Variants in SLC12A7 observed in about 807,000 individuals in gnomAD.
SLC12A7 encodes K-Cl cotransporter 4.
A neutral mutation model predicts 120.6 loss-of-function variants in SLC12A7; 100 were observed. That is an observed-to-expected ratio of 0.83 (90% CI 0.71 to 0.98). SLC12A7 has a LOEUF of 0.98. SLC12A7 is among the 50% of genes least tolerant of loss of function. The pLI, the probability that SLC12A7 is intolerant of heterozygous loss-of-function variation, is 0.00. For synonymous variants in SLC12A7, 760 were observed against 678.0 expected (o/e 1.12, Z -1.88); for missense variants, 1,373 against 1,548.1 (o/e 0.89, Z 1.90).
At chr5:1,147,590 C>T in the SLC12A7 span, among the ~76,000 whole-genome samples, 2 of 152,294 alleles carry the variant, frequency 1.3e-5, no homozygotes, top group African/African-American at 2.4e-5. Flanking sequence ...CAAGCCTTCA[C>T]GTCTTCAGCT....
chr5:1,087,154 C>A (rs115544359), intron 5 of SLC12A7, 121 bp from the exon 6 acceptor site: 3 of 1,276,682 alleles, frequency 2.3e-6, no homozygotes, highest in African/African-American at 1.5e-5. Flanking sequence ...AGCGTGTAGA[C>A]CCTCGTCCAC....
intron 21 of SLC12A7, among the ~76,000 whole-genome samples, chr5:1,059,371 G>A (rs951974456): frequency 6.6e-6 from 1 of 152,216 alleles, no homozygotes; most frequent in African/African-American, 2.4e-5. Flanking sequence ...GTGTACTGCA[G>A]GTTCCTGCTG....
At chr5:1,150,618 T>C in the SLC12A7 span, among the ~76,000 whole-genome samples, 1 of 152,246 alleles carries the variant, frequency 6.6e-6, no homozygotes, top group African/African-American at 2.4e-5. Context: ...ACAGAAAGGA[T>C]GGACATGCGT....
chr5:1,089,031 A>AC lies in SLC12A7; in HGVS notation c.439dup (p.Val147GlyfsTer207). ...GAGGAAGGACTCCAGGACACCAGCC[A>AC]CCCCCACGATCCACGTCAGGCGCAG... On this transcript the variant is annotated frameshift_variant, in exon 4 of 24. Transcript: ENST00000264930. LOFTEE classifies it high-confidence loss of function. 1 of 1,612,860 alleles carries AC rather than the reference A, an allele frequency of 6.2e-7. No homozygotes were observed. Among genetic ancestry groups the AC allele is most frequent in the Non-Finnish European group, 8.5e-7 (1 of 1,179,938 alleles).
At chr5:1,153,185 G>T in the SLC12A7 span, among the ~76,000 whole-genome samples, 1 of 152,190 alleles carries the variant, frequency 6.6e-6, no homozygotes, top group Non-Finnish European at 1.5e-5. Context: ...CTACCCCCGG[G>T]TGCTGACGTG....
At position 1,083,709 on chromosome 5, in the gene SLC12A7, AC is replaced by A. The variant is rs375095536; in HGVS notation, c.1129+35del. ...AGGGCCAGCGCCTGCTGCCCCCGCC[AC>A]CCCCCAGCTCCAGCTGCAGCCCTGT... On this transcript the variant is annotated intron_variant, in intron 8 of 23. Coordinates refer to ENST00000264930, the MANE Select transcript of SLC12A7 (RefSeq NM_006598.3). The A allele has an allele frequency of 1.3e-3, 2,046 of 1,599,222 alleles. 44 individuals are homozygous for A. The South Asian group carries it at 0.02, about 16-fold the overall frequency.
In SLC12A7 at chr5:1,053,493, G is replaced by C. The variant is rs1444141249; in HGVS notation, c.3027-11C>G. ...ACGTTGGACTGGTCCCTGCAGGGGA[G>C]GTGGGCACGGTCAGCGGGCGGCGGG... On this transcript the variant is annotated splice_polypyrimidine_tract_variant and intron_variant, in intron 22 of 23. Transcript: ENST00000264930. The C allele has an allele frequency of 6.2e-7, 1 of 1,611,960 alleles. No homozygotes were observed. The highest frequency in any genetic ancestry group is 8.5e-7 in the Non-Finnish European group (1 of 1,179,262).
Position 1,089,162 on chromosome 5 carries a change from T to C in SLC12A7, c.343-34A>G, listed in dbSNP as rs181701341. ...GAGCATAGCGTGTCCCAGGGGCTCGTACCCCACACCCAGAGGGAGCCCCCT... is the reference window on the plus strand; with the variant it reads ...GAGCATAGCGTGTCCCAGGGGCTCGCACCCCACACCCAGAGGGAGCCCCCT... On this transcript the variant is annotated intron_variant, in intron 3 of 23. Coordinates refer to ENST00000264930, the MANE Select transcript of SLC12A7 (RefSeq NM_006598.3). 2,874 of 1,604,524 alleles carry C rather than the reference T, an allele frequency of 1.8e-3. 38 individuals are homozygous for C. The highest frequency in any genetic ancestry group is 0.015 in the African/African-American group (1,102 of 74,960).
intron 9 of SLC12A7, among the ~76,000 whole-genome samples, chr5:1,080,691 C>G (rs1402937485): frequency 6.6e-6 from 1 of 152,328 alleles, no homozygotes; most frequent in African/African-American, 2.4e-5. Context: ...GGCCCCACCC[C>G]CTGGGGAACA....
chr5:1,119,575 G>A, the SLC12A7 span, among the ~76,000 whole-genome samples: 3 of 152,390 alleles, frequency 2.0e-5, no homozygotes, highest in South Asian at 6.2e-4. Context: ...TGGTTGGGCG[G>A]TGAGGTTCAG....
At chr5:1,108,409 C>A (rs932264915) in intron 1 of SLC12A7, among the ~76,000 whole-genome samples, 2 of 152,230 alleles carry the variant, frequency 1.3e-5, no homozygotes, top group Non-Finnish European at 2.9e-5. Flanking sequence ...AGCCTCCCTG[C>A]CTGCTCACCA....
chr5:1,132,034 C>T, the SLC12A7 span, among the ~76,000 whole-genome samples: 5 of 152,142 alleles, frequency 3.3e-5, no homozygotes, highest in Non-Finnish European at 5.9e-5. Flanking sequence ...CAAGGTGAGA[C>T]GGGACGACCG....
upstream of SLC12A7, among the ~76,000 whole-genome samples, chr5:1,113,141 A>G (rs529554414): frequency 1.3e-5 from 2 of 152,362 alleles, no homozygotes; most frequent in Non-Finnish European, 2.9e-5. Flanking sequence ...GAATTGGGCT[A>G]AAATGCTATG....
chr5:1,099,493 C>G (rs1741776861), intron 1 of SLC12A7, among the ~76,000 whole-genome samples: 1 of 142,898 alleles, frequency 7.0e-6, no homozygotes, highest in African/African-American at 3.1e-5. Flanking sequence ...AGTCCACCTC[C>G]TCCGGGGGAC....
chr5:1,142,880 G>GT, the SLC12A7 span, among the ~76,000 whole-genome samples: 1 of 152,120 alleles, frequency 6.6e-6, no homozygotes, highest in East Asian at 2.0e-4. Flanking sequence ...CTCAGGGGAG[G>GT]TAAGGGGGAG....
At chr5:1,149,295 G>A in the SLC12A7 span, among the ~76,000 whole-genome samples, 1 of 152,216 alleles carries the variant, frequency 6.6e-6, no homozygotes, top group African/African-American at 2.4e-5. Context: ...ATAAGAGCCT[G>A]GCCAGGCGCG....
At chr5:1,099,990 A>T (rs758046148) in intron 1 of SLC12A7, among the ~76,000 whole-genome samples, 2 of 152,122 alleles carry the variant, frequency 1.3e-5, no homozygotes, top group Non-Finnish European at 2.9e-5. Context: ...GCGACTCATA[A>T]GGCTTTAAAA....
At chr5:1,093,335 C>T (rs556509349) in intron 3 of SLC12A7, among the ~76,000 whole-genome samples, 198 bp downstream of exon 3, 4 of 152,280 alleles carry the variant, frequency 2.6e-5, no homozygotes, top group East Asian at 3.9e-4. Context: ...CTTCCCCGGA[C>T]GGTGGAGAGG....
At position 1,073,639 on chromosome 5, in the gene SLC12A7, G is replaced by A. The variant is rs144540448; in HGVS notation, c.2235C>T (p.Ala745=). The A allele has an allele frequency of 2.2e-4, 355 of 1,602,320 alleles. 2 individuals are homozygous for A. The highest frequency in any genetic ancestry group is 1.8e-3 in the East Asian group (80 of 43,546). ...YLDKHMEAQR[A]EENIRSLMST... is the part of the protein sequence containing the mutation. ...CAGACCCCGCCCGGCCCACCTCCTCGGCCCGCTGAGCCTCCATGTGCTTGT... is the reference window on the plus strand; with the variant it reads ...CAGACCCCGCCCGGCCCACCTCCTCAGCCCGCTGAGCCTCCATGTGCTTGT... Residue 745 remains alanine, a synonymous_variant, in exon 17 of 24, where the codon GCC becomes GCT. Coordinates refer to ENST00000264930, the MANE Select transcript of SLC12A7 (RefSeq NM_006598.3).
Sources: allele counts gnomAD v4.1 joint callset (sites outside exome capture counted in the v4.1 genomes callset), GRCh38; gene constraint gnomAD v4.1.1; transcripts MANE v1.5; gene names NCBI Gene and HGNC (gene_info 2026-07-23, HGNC 2026-07-21).